The following MAGI1 variants were observed in gnomAD, a reference collection of about 807,000 sequenced individuals.
The protein encoded by MAGI1 is membrane-associated guanylate kinase, WW and PDZ domain-containing protein 1.
A neutral mutation model predicts 139.9 loss-of-function variants in MAGI1; 58 were observed. The observed-to-expected ratio is 0.41, with a 90% CI of 0.34 to 0.52. The LOEUF is 0.52. MAGI1 is among the 20% of genes least tolerant of loss of function. The pLI is 0.12. For synonymous variants in MAGI1, 812 were observed against 737.9 expected, an observed-to-expected ratio of 1.10 and a Z score of -1.63; for missense variants, 1,874 against 1,901.6, an observed-to-expected ratio of 0.99 and a Z score of 0.27.
At chr3:65,869,611 A>G (rs1014560552) in intron 1 of MAGI1, among the ~76,000 whole-genome samples, 9 of 151,960 alleles carry the variant, frequency 5.9e-5, no homozygotes, top group Non-Finnish European at 5.9e-5. Flanking sequence ...TGTGTTAGCC[A>G]GGATGGTCTC....
At position 65,574,928 on chromosome 3, in the gene MAGI1, G is replaced by A. The variant is rs375172895; in HGVS notation, c.430+47044C>T. Among the ~76,000 whole-genome samples, 7 of 151,888 alleles carry A rather than the reference G, an allele frequency of 4.6e-5. No homozygotes were observed. The East Asian group carries it at 1.2e-3, about 25-fold the overall frequency. On this transcript the variant is annotated intron_variant, in intron 2 of 22. Coordinates refer to ENST00000402939, the MANE Select transcript of MAGI1 (RefSeq NM_001033057.2). ...CATTTAAAAAAATTAACTTCAACTCGGAATGGATCATAGACATAAAACTAA... is the reference window on the plus strand; with the variant it reads ...CATTTAAAAAAATTAACTTCAACTCAGAATGGATCATAGACATAAAACTAA...
intron 1 of MAGI1, among the ~76,000 whole-genome samples, chr3:65,785,053 G>A (rs772395414): frequency 8.5e-5 from 13 of 152,166 alleles, no homozygotes; most frequent in Non-Finnish European, 1.5e-4. Context: ...AGTCGCACAC[G>A]CTGTGTATCT....
intron 6 of MAGI1, 105 bp from the exon 7 acceptor site, chr3:65,448,162 T>C: frequency 1.0e-6 from 1 of 963,122 alleles, no homozygotes. Context: ...AGCAAACACA[T>C]CACTCTAGTT....
chr3:65,752,376 G>T (rs1041196930), intron 1 of MAGI1, among the ~76,000 whole-genome samples: 2 of 152,118 alleles, frequency 1.3e-5, no homozygotes, highest in African/African-American at 2.4e-5. Context: ...TGCCTACTTA[G>T]GTTTGGTGTG....
intron 1 of MAGI1, among the ~76,000 whole-genome samples, chr3:65,795,538 C>T (rs1291034839): frequency 6.6e-6 from 1 of 152,088 alleles, no homozygotes; most frequent in Admixed American, 6.5e-5. Flanking sequence ...TAAAATATTA[C>T]CATTGGAAGA....
In MAGI1 at chr3:65,356,797, C is replaced by G. The variant is rs1377576571; in HGVS notation, c.3970G>C (p.Glu1324Gln). ...AANGPKRRSP[E>Q]KRREGTRSAD... ...CTGCGGGTGCCCTCCCTCCGCTTCTCTGGGGACCGCCTCTTGGGGCCGTTG... is the reference window on the plus strand; with the variant it reads ...CTGCGGGTGCCCTCCCTCCGCTTCTGTGGGGACCGCCTCTTGGGGCCGTTG... The change falls in exon 23 of 23, where the codon GAG becomes CAG. Residue 1324 changes from glutamate to glutamine, a missense_variant. By Grantham distance (29) the Glu-to-Gln change is conservative. Transcript: ENST00000402939. The G allele has an allele frequency of 6.2e-7, 1 of 1,611,002 alleles. No homozygotes were observed. Among genetic ancestry groups the G allele is most frequent in the East Asian group, 2.2e-5 (1 of 44,776 alleles).
intron 1 of MAGI1, among the ~76,000 whole-genome samples, chr3:65,626,310 A>G (rs1316580622): frequency 2.0e-5 from 3 of 152,110 alleles, no homozygotes; most frequent in African/African-American, 7.2e-5. Flanking sequence ...GGACATATAG[A>G]TTGGAAACCA....
At chr3:65,695,503 T>C (rs2089089744) in intron 1 of MAGI1, among the ~76,000 whole-genome samples, 2 of 152,240 alleles carry the variant, frequency 1.3e-5, no homozygotes, top group South Asian at 4.1e-4. Flanking sequence ...CATTCCCTGT[T>C]CTTGAAAGGG....
chr3:65,724,877 A>C (rs963647306), intron 1 of MAGI1, among the ~76,000 whole-genome samples: 1 of 152,078 alleles, frequency 6.6e-6, no homozygotes, highest in Non-Finnish European at 1.5e-5. Context: ...ACATGGCCAA[A>C]ATTGCCCCCA....
At chr3:65,922,392 G>A (rs2062251430) in intron 1 of MAGI1, among the ~76,000 whole-genome samples, 1 of 152,180 alleles carries the variant, frequency 6.6e-6, no homozygotes, top group East Asian at 1.9e-4. Context: ...CAATATGACT[G>A]GTGTCCTTTT....
At chr3:65,528,510 T>C (rs1323246433) in intron 2 of MAGI1, among the ~76,000 whole-genome samples, 1 of 152,178 alleles carries the variant, frequency 6.6e-6, no homozygotes. Context: ...TACCTCTCTT[T>C]AGTAAGATAA....
At chr3:65,686,269 T>G (rs559599260) in intron 1 of MAGI1, among the ~76,000 whole-genome samples, 2 of 152,200 alleles carry the variant, frequency 1.3e-5, no homozygotes, top group East Asian at 3.9e-4. Context: ...TCTGGGCATT[T>G]TGGAAATCTG....
intron 5 of MAGI1, among the ~76,000 whole-genome samples, chr3:65,466,302 ATTTT>A (rs563340934): frequency 6.6e-6 from 1 of 151,878 alleles, no homozygotes; most frequent in African/African-American, 2.4e-5. Flanking sequence ...ATAATAAGTG[ATTTT>A]TTTTATTAAC....
At chr3:65,990,948 C>T (rs1018077578) in intron 1 of MAGI1, among the ~76,000 whole-genome samples, 3 of 152,016 alleles carry the variant, frequency 2.0e-5, no homozygotes, top group East Asian at 1.9e-4. Flanking sequence ...GATCATATCA[C>T]TGCACTCCAG....
At chr3:65,468,282 C>A (rs553509968) in intron 5 of MAGI1, among the ~76,000 whole-genome samples, 18 of 151,796 alleles carry the variant, frequency 1.2e-4, no homozygotes, top group African/African-American at 4.1e-4. Flanking sequence ...ATGGGTTGTC[C>A]CCTCTCTCTG....
At chr3:65,653,976 G>T (rs536067612) in intron 1 of MAGI1, among the ~76,000 whole-genome samples, 3 of 152,210 alleles carry the variant, frequency 2.0e-5, no homozygotes, top group East Asian at 3.9e-4. Flanking sequence ...CAAGGCAAAT[G>T]AACTAGAAAG....
At chr3:65,742,980 G>A (rs2035401824) in intron 1 of MAGI1, among the ~76,000 whole-genome samples, 1 of 152,078 alleles carries the variant, frequency 6.6e-6, no homozygotes, top group Non-Finnish European at 1.5e-5. Flanking sequence ...GAAGAAAGGA[G>A]TAAATGGGAG....
chr3:65,819,609 T>C (rs920117431), intron 1 of MAGI1, among the ~76,000 whole-genome samples: 35 of 151,910 alleles, frequency 2.3e-4, no homozygotes, highest in African/African-American at 8.2e-4. Flanking sequence ...CTGGGCACAG[T>C]TGCTCACACC....
At chr3:65,627,350 C>T (rs561142159) in intron 1 of MAGI1, among the ~76,000 whole-genome samples, 69 of 152,132 alleles carry the variant, frequency 4.5e-4, no homozygotes, top group African/African-American at 1.6e-3. Flanking sequence ...AGTCATTATG[C>T]AACAACCATG....
Sources: gnomAD v4.1 joint callset for allele counts (sites outside exome capture counted in the v4.1 genomes callset) on GRCh38, gnomAD v4.1.1 for gene constraint, MANE v1.5 for transcripts, NCBI Gene and HGNC (gene_info 2026-07-23, HGNC 2026-07-21) for gene names.